CSGALNACT1: variants seen among roughly 807,000 people sequenced by gnomAD.
CSGALNACT1 encodes chondroitin sulfate N-acetylgalactosaminyltransferase 1.
CSGALNACT1 carries 52 observed loss-of-function variants against 51.0 expected under a neutral mutation model. The observed-to-expected ratio is 1.02, with a 90% CI of 0.82 to 1.29. The LOEUF (loss-of-function observed/expected upper bound fraction) is 1.29, where lower values mean the gene tolerates loss of function less well. CSGALNACT1 is among the 50% of genes most tolerant of loss of function. The pLI is 0.00. For synonymous variants in CSGALNACT1, 341 were observed against 254.4 expected, an observed-to-expected ratio of 1.34 and a Z score of -3.24; for missense variants, 935 against 679.2, an observed-to-expected ratio of 1.38 and a Z score of -4.19.
In CSGALNACT1 at chr8:19,507,775, G is replaced by A. The variant is rs145774065; in HGVS notation, c.-296-1645C>T. Among the ~76,000 whole-genome samples, 551 of 152,190 alleles carry A rather than the reference G, an allele frequency of 3.6e-3. 9 individuals carry two copies. The East Asian group carries it at 0.069, about 19-fold the overall frequency. On this transcript the variant is annotated intron_variant, in intron 3 of 9. Coordinates refer to ENST00000454498, the Ensembl canonical transcript of CSGALNACT1. The stretch of plus-strand genomic sequence containing the variant: ...CCTGAGTAGCTGGGACTACAGGCAC[G>A]CATCACCACCCCTGGCTAATGTTTT...
chr8:19,527,721 G>A (rs2081983510), intron 3 of CSGALNACT1, among the ~76,000 whole-genome samples: 2 of 152,116 alleles, frequency 1.3e-5, no homozygotes, highest in African/African-American at 4.8e-5. Flanking sequence ...GCTGGAGTGT[G>A]GGGTGCTGAG....
chr8:19,509,920 G>A (rs1037443247), intron 3 of CSGALNACT1, among the ~76,000 whole-genome samples: 3 of 152,156 alleles, frequency 2.0e-5, no homozygotes, highest in Non-Finnish European at 4.4e-5. Context: ...ACTTAGAAAG[G>A]CACCCACATT....
At chr8:19,408,301 G>C (rs2054764145) in intron 9 of CSGALNACT1, among the ~76,000 whole-genome samples, 1 of 151,924 alleles carries the variant, frequency 6.6e-6, no homozygotes, top group Non-Finnish European at 1.5e-5. Flanking sequence ...CTGAGTCTAT[G>C]ACATCAGGAA....
At chr8:19,719,943 A>C (rs889246482) in intron 1 of CSGALNACT1, among the ~76,000 whole-genome samples, 4 of 152,248 alleles carry the variant, frequency 2.6e-5, no homozygotes, top group African/African-American at 9.6e-5. Flanking sequence ...GGGTCTTCCA[A>C]GAAAGCTATC....
At chr8:19,641,088 G>C (rs192797871) in intron 1 of CSGALNACT1, among the ~76,000 whole-genome samples, 1 of 150,334 alleles carries the variant, frequency 6.7e-6, no homozygotes, top group Non-Finnish European at 1.5e-5. Context: ...GTCTCCCAGG[G>C]ATGCGGAATC....
intron 1 of CSGALNACT1, among the ~76,000 whole-genome samples, chr8:19,722,263 G>A (rs17091082): frequency 0.11 from 17,001 of 152,148 alleles, 1,296 homozygotes; most frequent in East Asian, 0.35. Context: ...ACACAGTATA[G>A]TGTATGGCAC....
intron 6 of CSGALNACT1, among the ~76,000 whole-genome samples, chr8:19,434,236 G>C (rs1415897289): frequency 1.3e-5 from 2 of 152,092 alleles, no homozygotes; most frequent in African/African-American, 4.8e-5. Context: ...TTTAAACAGT[G>C]CATTCTATTC....
intron 3 of CSGALNACT1, among the ~76,000 whole-genome samples, chr8:19,534,522 C>T (rs913658647): frequency 6.6e-6 from 1 of 152,134 alleles, no homozygotes; most frequent in Non-Finnish European, 1.5e-5. Context: ...GGACACCCAT[C>T]GGCTGCATTG....
intron 8 of CSGALNACT1, among the ~76,000 whole-genome samples, chr8:19,411,503 G>T (rs780605138): frequency 3.3e-5 from 5 of 152,228 alleles, no homozygotes; most frequent in Admixed American, 1.3e-4. Flanking sequence ...AGTGGAAACA[G>T]ACACGTTGCA....
At chr8:19,525,197 C>G (rs747417489) in intron 3 of CSGALNACT1, among the ~76,000 whole-genome samples, 2 of 152,218 alleles carry the variant, frequency 1.3e-5, no homozygotes, top group African/African-American at 4.8e-5. Flanking sequence ...TGATGAAAAA[C>G]TAATGTCAAT....
intron 1 of CSGALNACT1, among the ~76,000 whole-genome samples, chr8:19,741,559 T>TGA (rs1563194901): frequency 3.7e-5 from 2 of 53,828 alleles, no homozygotes. Context: ...TGAGACTCCA[T>TGA]CAAAAAAAAA....
Position 19,478,184 on chromosome 8 carries a change from G to C in CSGALNACT1, c.635-19542C>G, listed in dbSNP as rs561108288. 2.0e-5 allele frequency among the ~76,000 whole-genome samples: 3 copies of C among 152,214 alleles called. No individual in the cohort carries two copies. In the East Asian group the frequency reaches 5.8e-4, roughly 30 times the overall value. On this transcript the variant is annotated intron_variant, in intron 4 of 9. Transcript: ENST00000454498. The stretch of plus-strand genomic sequence containing the variant: ...AATCTCAGCACTTTGGGAGGCCAAG[G>C]CGGGTGGATCACGAGGTCAGGAGAT...
intron 3 of CSGALNACT1, among the ~76,000 whole-genome samples, chr8:19,530,092 C>T (rs372946082): frequency 2.0e-5 from 3 of 151,898 alleles, no homozygotes; most frequent in Admixed American, 1.3e-4. Context: ...CATAGTGGTG[C>T]GTGCCTGTAA....
Position 19,488,370 on chromosome 8 carries a change from C to CAT in CSGALNACT1, c.634+16829_634+16830dup, listed in dbSNP as rs56988602. ...ATCTCATTATATATATTTATATATACATATATATATATATATATATATATA... is the reference window on the plus strand; with the variant it reads ...ATCTCATTATATATATTTATATATACATATATATATATATATATATATATATA... On this transcript the variant is annotated intron_variant, in intron 4 of 9. Transcript: ENST00000454498. Among the ~76,000 whole-genome samples the CAT allele has an allele frequency of 4.4e-3, 507 of 114,294 alleles. 4 individuals are homozygous for CAT. Among genetic ancestry groups the CAT allele is most frequent in the East Asian group, 9.5e-3 (23 of 2,416 alleles). 75.0% of individuals were successfully genotyped at this position (114,294 alleles called of 152,430 possible).
At chr8:19,597,353 TGATGTGATCATAGCTC>T (rs890618506) in intron 2 of CSGALNACT1, among the ~76,000 whole-genome samples, 1 of 143,242 alleles carries the variant, frequency 7.0e-6, no homozygotes, top group Non-Finnish European at 1.5e-5. Context: ...TAGAGTGCAG[TGATGTGATCATAGCTC>T]ACTGCAGACT....
At chr8:19,593,681 G>A (rs1416449623) in intron 2 of CSGALNACT1, among the ~76,000 whole-genome samples, 1 of 152,196 alleles carries the variant, frequency 6.6e-6, no homozygotes, top group African/African-American at 2.4e-5. Context: ...CAAATGAGCT[G>A]AAGACTCAGT....
rs568332343 is a variant in CSGALNACT1 at position 19,695,279 on chromosome 8, G to A, written c.-297+62571C>T. On this transcript the variant is annotated intron_variant, in intron 1 of 1. Transcript: ENST00000517494. ...TTCATTAAAAAAATAAAACGTGGAC[G>A]TTTCTTAGGTCTTCCCACTCATTTC... 6.6e-5 allele frequency among the ~76,000 whole-genome samples: 10 copies of A among 152,148 alleles called. No homozygotes were observed. The East Asian group carries it at 1.4e-3, about 21-fold the overall frequency.
chr8:19,625,357 G>A (rs1275328271), intron 1 of CSGALNACT1, among the ~76,000 whole-genome samples: 5 of 152,184 alleles, frequency 3.3e-5, no homozygotes, highest in Non-Finnish European at 5.9e-5. Flanking sequence ...GTAAGAAAAC[G>A]TAAAACAAAT....
intron 1 of CSGALNACT1, among the ~76,000 whole-genome samples, chr8:19,614,904 G>T (rs1348852152): frequency 1.3e-5 from 2 of 152,214 alleles, no homozygotes; most frequent in African/African-American, 4.8e-5. Context: ...CCAGAAGACA[G>T]GATGTGTAAC....
Sources: allele counts gnomAD v4.1 joint callset (sites outside exome capture counted in the v4.1 genomes callset), GRCh38; gene constraint gnomAD v4.1.1; transcripts MANE v1.5; gene names NCBI Gene and HGNC (gene_info 2026-07-23, HGNC 2026-07-21).